IL18BP: variants seen among roughly 807,000 people sequenced by gnomAD.
IL18BP encodes the protein interleukin-18-binding protein.
Under a neutral mutation model 19.9 loss-of-function variants are expected in IL18BP, and 23 were observed. The observed-to-expected ratio is 1.15, with a 90% CI of 0.83 to 1.64. The LOEUF (loss-of-function observed/expected upper bound fraction) is 1.64, where lower values mean the gene tolerates loss of function less well. Ranked by LOEUF, IL18BP falls within the 40% of genes most tolerant of loss-of-function variation. The pLI is 0.00. For synonymous variants in IL18BP, 107 were observed against 101.0 expected, an observed-to-expected ratio of 1.06 and a Z score of -0.35; for missense variants, 239 against 240.7, an observed-to-expected ratio of 0.99 and a Z score of 0.05.
At chr11:72,003,079 A>G (rs903949798), downstream of IL18BP, 4 of 243,628 alleles carry the variant, frequency 1.6e-5, no homozygotes, top group African/African-American at 8.8e-5. Flanking sequence ...AGGTGCTCCC[A>G]CCAGGTCAGA....
Position 72,000,443 on chromosome 11 carries a change from A to G in IL18BP, c.121A>G (p.Thr41Ala), listed in dbSNP as rs762260762. ...TPVSQTTTAA[T>A]ASVRSTKDPC... ...TGTCTCGCAGACCACCACAGCTGCCACTGCCTCAGTTAGAAGCACAAAGGA... is the reference window on the plus strand; with the variant it reads ...TGTCTCGCAGACCACCACAGCTGCCGCTGCCTCAGTTAGAAGCACAAAGGA... Residue 41 changes from threonine (T) to alanine (A), a missense_variant, in exon 3 of 6, where the codon ACT (threonine) becomes GCT (alanine). Physicochemically the swap from Thr to Ala is moderately conservative, Grantham distance 58 (BLOSUM62 0). Coordinates refer to ENST00000393703, the MANE Select transcript of IL18BP (RefSeq NM_001039660.2). The G allele has an allele frequency of 1.6e-5, 26 of 1,614,084 alleles. No homozygotes were observed. The African/African-American group carries it at 3.3e-4, about 21-fold the overall frequency.
chr11:72,003,966 C>T (rs574732890), downstream of IL18BP: 62 of 1,613,150 alleles, frequency 3.8e-5, no homozygotes, highest in Middle Eastern at 3.3e-4. Flanking sequence ...GCGCGGAGAA[C>T]GGCGGGTTCC....
Position 72,000,391 on chromosome 11 carries a change from C to T in IL18BP, c.69C>T (p.Val23=), listed in dbSNP as rs373119758. The T allele has an allele frequency of 3.3e-5, 53 of 1,614,032 alleles. No homozygotes were observed. The highest frequency in any genetic ancestry group is 4.1e-5 in the Non-Finnish European group (48 of 1,180,012). The change falls in exon 3 of 6, where the codon GTC becomes GTT. Residue 23 remains valine, a synonymous_variant. Coordinates refer to ENST00000393703, the MANE Select transcript of IL18BP (RefSeq NM_001039660.2). ...PLWVLLLCAH[V]VTLLVRATPV... is the part of the protein sequence containing the mutation. ...GGGTCCTGCTCCTGTGTGCCCACGTCGTCACTCTCCTGGTCAGAGCCACAC... is the reference window on the plus strand; with the variant it reads ...GGGTCCTGCTCCTGTGTGCCCACGTTGTCACTCTCCTGGTCAGAGCCACAC...
intron 5 of IL18BP, 102 bp downstream of exon 5, chr11:72,001,654 C>G (rs920779728): frequency 1.2e-6 from 2 of 1,600,918 alleles, no homozygotes; most frequent in Non-Finnish European, 1.7e-6. Flanking sequence ...GAACTAATGC[C>G]CAGCATTCCT....
At position 72,000,013 on chromosome 11, in the gene IL18BP, G is replaced by GT. The variant is rs1166923677; in HGVS notation, c.28+2dup. 1.2e-6 allele frequency: 2 copies of GT among 1,613,792 alleles called. No homozygotes were observed. The highest frequency in any genetic ancestry group is 8.5e-7 in the Non-Finnish European group (1 of 1,179,824). ...ACCATGAGACACAACTGGACACCAG[G>GT]TAGGCCTTGGGGCTACGCATGGGCA... On this transcript the variant is annotated splice_donor_variant, in intron 2 of 5. Transcript: ENST00000393703. LOFTEE classifies it high-confidence loss of function.
chr11:72,000,619 T>C, intron 3 of IL18BP, 62 bp downstream of exon 3: 2 of 1,408,454 alleles, frequency 1.4e-6, no homozygotes. Context: ...TCGGGTTGAC[T>C]CCTGAGCGCC....
chr11:72,006,816 G>T (rs1278711189), downstream of IL18BP, among the ~76,000 whole-genome samples: 1 of 152,190 alleles, frequency 6.6e-6, no homozygotes, highest in African/African-American at 2.4e-5. Context: ...GGAAACAAAG[G>T]CAAGGGCCTG....
At chr11:72,004,525 AGGGAAAGAGAG>A (rs1359312628), downstream of IL18BP, 2 of 1,261,450 alleles carry the variant, frequency 1.6e-6, no homozygotes, top group Non-Finnish European at 1.1e-6. Flanking sequence ...CCTTGGAGAG[AGGGAAAGAGAG>A]GGGGAAGTGA....
rs771647889 is a variant in IL18BP at position 72,001,412 on chromosome 11, C to T, written c.367C>T (p.Arg123Cys). The change falls in exon 5 of 6, where the codon CGT (arginine) becomes TGT (cysteine). Residue 123 changes from arginine to cysteine, a missense_variant. Transcript: ENST00000393703. ...CCTTCCCTTCCGCTCCAGCCGGGAA[C>T]GTGGGAGCACAGGTACGCAGCTGTG... ...RLWEGSTSRE[R>C]GSTGTQLCKA... The T allele has an allele frequency of 3.0e-5, 49 of 1,613,984 alleles. No individual in the cohort carries two copies. Among genetic ancestry groups the T allele is most frequent in the East Asian group, 1.8e-4 (8 of 44,894 alleles).
chr11:72,003,888 T>C, downstream of IL18BP: 1 of 1,613,562 alleles, frequency 6.2e-7, no homozygotes, highest in Non-Finnish European at 8.5e-7. Flanking sequence ...TGCCTCTACC[T>C]TGCCCTTGGC....
chr11:72,004,278 T>C, downstream of IL18BP: 1 of 1,613,504 alleles, frequency 6.2e-7, no homozygotes. Flanking sequence ...GTGCTCTGTT[T>C]GCGCCCTTCA....
chr11:72,003,958 G>A (rs748913888), downstream of IL18BP: 33 of 1,613,300 alleles, frequency 2.0e-5, no homozygotes, highest in South Asian at 3.3e-5. Flanking sequence ...GTGGCAATGC[G>A]CGGAGAACGG....
chr11:72,001,528 T>C lies in IL18BP; in HGVS notation c.483T>C (p.Arg161=). Residue 161 remains arginine (R), a synonymous_variant, in exon 5 of 6, where the codon CGT becomes CGC. Coordinates refer to ENST00000393703, the MANE Select transcript of IL18BP (RefSeq NM_001039660.2). ...VLVDPEQVVQ[R]HVVLAQLWAG... ...TGGACCCTGAACAGGTTGTCCAGCG[T>C]CACGTCGTCCTGGCCCAGCTCTGGG... 1 of 1,613,310 alleles carries C rather than the reference T, an allele frequency of 6.2e-7. No homozygotes were observed. Among genetic ancestry groups the C allele is most frequent in the Non-Finnish European group, 8.5e-7 (1 of 1,179,660 alleles).
chr11:72,004,244 G>A, downstream of IL18BP: 1 of 1,611,772 alleles, frequency 6.2e-7, no homozygotes, highest in Non-Finnish European at 8.5e-7. Flanking sequence ...AGAAGCTGGA[G>A]CTGCTTTCTT....
downstream of IL18BP, chr11:72,004,369 CAGT>C (rs1565182958): frequency 6.3e-7 from 1 of 1,592,778 alleles, no homozygotes. Context: ...GTTAGGCAGA[CAGT>C]AGCAAGAGGA....
At chr11:72,000,703 G>C (rs1590828905) in intron 3 of IL18BP, 146 bp downstream of exon 3, 7 of 674,660 alleles carry the variant, frequency 1.0e-5, no homozygotes, top group East Asian at 5.4e-5. Flanking sequence ...CCCCAACCCA[G>C]TGTCATGGGT....
At chr11:72,002,850 A>G (rs919416690), downstream of IL18BP, 2 of 208,386 alleles carry the variant, frequency 9.6e-6, no homozygotes, top group Non-Finnish European at 2.0e-5. Context: ...ACACCGATCA[A>G]GTCAACTCAG....
At chr11:72,007,326 T>G (rs766408761), downstream of IL18BP, 1 of 1,612,660 alleles carries the variant, frequency 6.2e-7, no homozygotes, top group Non-Finnish European at 8.5e-7. Flanking sequence ...GGGATGGGAG[T>G]GAAGTAGAGA....
At chr11:72,005,347 G>T, downstream of IL18BP, 1 of 1,608,018 alleles carries the variant, frequency 6.2e-7, no homozygotes. Flanking sequence ...CCTGGCAAGT[G>T]CCCATGTAGA....
Sources: gnomAD v4.1 joint callset for allele counts (sites outside exome capture counted in the v4.1 genomes callset) on GRCh38, gnomAD v4.1.1 for gene constraint, MANE v1.5 for transcripts, NCBI Gene and HGNC (gene_info 2026-07-23, HGNC 2026-07-21) for gene names.